UBE2E2: variants seen among roughly 807,000 people sequenced by gnomAD.
The protein encoded by UBE2E2 is ubiquitin conjugating enzyme E2 E2, also known as ubiquitin-conjugating enzyme E2 E2.
Under a neutral mutation model 24.7 loss-of-function variants are expected in UBE2E2, and 6 were observed. The ratio of observed to expected loss-of-function variants is 0.24; its 90% CI spans 0.13 to 0.48. The LOEUF (loss-of-function observed/expected upper bound fraction) is 0.48, where lower values mean the gene tolerates loss of function less well. Among genes scored for constraint, UBE2E2 ranks in the 20% least tolerant of loss-of-function variants. The pLI is 0.99. For synonymous variants in UBE2E2, 104 were observed against 83.6 expected (o/e 1.24, Z -1.33); for missense variants, 169 against 245.0 (o/e 0.69, Z 2.07).
rs541637780 is a variant in UBE2E2 at position 23,233,284 on chromosome 3, C to T, written c.227+15972C>T. Reference sequence around the variant, plus strand: ...TTTTTAGTTTAAGGTAAAATATTTGCATTCTTATCAAAGCTGTTGTACATC... The same window carrying T: ...TTTTTAGTTTAAGGTAAAATATTTGTATTCTTATCAAAGCTGTTGTACATC... On this transcript the variant is annotated intron_variant, in intron 3 of 5. Transcript: ENST00000396703. Among the ~76,000 whole-genome samples, 7 of 152,254 alleles carry T rather than the reference C, an allele frequency of 4.6e-5. No homozygotes were observed. In the South Asian group the frequency reaches 1.5e-3, roughly 32 times the overall value.
chr3:23,351,238 A>G (rs1260809096), intron 3 of UBE2E2, among the ~76,000 whole-genome samples: 3 of 152,210 alleles, frequency 2.0e-5, no homozygotes, highest in South Asian at 2.1e-4. Context: ...TGAAGGAAGC[A>G]CTAAACATGG....
intron 3 of UBE2E2, among the ~76,000 whole-genome samples, chr3:23,293,629 T>C (rs958807613): frequency 4.6e-5 from 7 of 152,234 alleles, no homozygotes; most frequent in African/African-American, 1.4e-4. Context: ...CTATGGCTTA[T>C]TAGAAAAAGA....
chr3:23,241,378 A>T (rs1358644588), intron 3 of UBE2E2, among the ~76,000 whole-genome samples: 1 of 152,222 alleles, frequency 6.6e-6, no homozygotes, highest in African/African-American at 2.4e-5. Context: ...GACAGCCAGA[A>T]TGATCTTTTA....
intron 3 of UBE2E2, among the ~76,000 whole-genome samples, chr3:23,457,852 G>A (rs949172649): frequency 3.9e-5 from 6 of 152,092 alleles, no homozygotes; most frequent in East Asian, 1.9e-4. Context: ...CTTAGCCTTC[G>A]CAGAATTGAA....
At chr3:23,411,917 A>G (rs927640788) in intron 3 of UBE2E2, among the ~76,000 whole-genome samples, 8 of 152,220 alleles carry the variant, frequency 5.3e-5, no homozygotes, top group African/African-American at 1.9e-4. Flanking sequence ...ATTAAAATTA[A>G]TAGTTCTAAT....
intron 3 of UBE2E2, among the ~76,000 whole-genome samples, chr3:23,245,235 GTA>G (rs1379516472): frequency 6.6e-6 from 1 of 152,032 alleles, no homozygotes; most frequent in Non-Finnish European, 1.5e-5. Flanking sequence ...ATAAAAGAGG[GTA>G]TATAATTGAT....
intron 3 of UBE2E2, among the ~76,000 whole-genome samples, chr3:23,457,337 G>A (rs1698701234): frequency 6.6e-6 from 1 of 152,156 alleles, no homozygotes; most frequent in Non-Finnish European, 1.5e-5. Flanking sequence ...AATAACAAAA[G>A]CTCAAGGTAT....
chr3:23,412,927 A>G (rs1273429919), intron 3 of UBE2E2, among the ~76,000 whole-genome samples: 1 of 151,824 alleles, frequency 6.6e-6, no homozygotes. Flanking sequence ...CCCTTACCCA[A>G]TTTAAGGCAA....
chr3:23,301,069 A>T (rs1699066353), intron 3 of UBE2E2, among the ~76,000 whole-genome samples: 1 of 152,034 alleles, frequency 6.6e-6, no homozygotes, highest in Non-Finnish European at 1.5e-5. Context: ...CTTCCAACTG[A>T]TCACATTGGC....
chr3:23,230,407 G>A (rs1419992172), intron 3 of UBE2E2, among the ~76,000 whole-genome samples: 1 of 152,124 alleles, frequency 6.6e-6, no homozygotes, highest in Non-Finnish European at 1.5e-5. Flanking sequence ...GATAGAATGT[G>A]GATGCATTTT....
intron 3 of UBE2E2, among the ~76,000 whole-genome samples, chr3:23,313,375 G>C (rs1694466207): frequency 7.3e-6 from 1 of 137,754 alleles, no homozygotes; most frequent in East Asian, 2.1e-4. Context: ...GTAGGCAATG[G>C]ATCATTGGGT....
At chr3:23,563,631 T>C (rs1470646517) in intron 5 of UBE2E2, among the ~76,000 whole-genome samples, 1 of 152,142 alleles carries the variant, frequency 6.6e-6, no homozygotes, top group Non-Finnish European at 1.5e-5. Flanking sequence ...GATGTATTTC[T>C]TCTTTGAAGC....
chr3:23,270,000 A>G lies in UBE2E2; in HGVS notation c.227+52688A>G, dbSNP rs76460996. On this transcript the variant is annotated intron_variant, in intron 3 of 5. Coordinates refer to ENST00000396703, the MANE Select transcript of UBE2E2 (RefSeq NM_152653.4). ...CTTGGTTTAGAGTCCCTTCTGTATA[A>G]CTGTGCTGACCCCAGAAATGCCTTG... Among the ~76,000 whole-genome samples, 6 of 152,126 alleles carry G rather than the reference A, an allele frequency of 3.9e-5. No individual in the cohort carries two copies. In the East Asian group the frequency reaches 1.2e-3, roughly 29 times the overall value.
chr3:23,500,022 T>C (rs974576931), intron 4 of UBE2E2, among the ~76,000 whole-genome samples: 1 of 152,104 alleles, frequency 6.6e-6, no homozygotes, highest in Non-Finnish European at 1.5e-5. Context: ...CCATGTTTTA[T>C]GGGTGAAAAT....
At chr3:23,580,347 C>T (rs192903284) in intron 5 of UBE2E2, among the ~76,000 whole-genome samples, 19 of 152,310 alleles carry the variant, frequency 1.2e-4, no homozygotes, top group Admixed American at 1.2e-3. Context: ...GCCACCCCAG[C>T]CTTCAGTAAC....
chr3:23,305,300 C>T (rs1699211299), intron 3 of UBE2E2, among the ~76,000 whole-genome samples: 1 of 152,318 alleles, frequency 6.6e-6, no homozygotes, highest in Non-Finnish European at 1.5e-5. Flanking sequence ...CAAATGCTTT[C>T]CTTCGAGACA....
chr3:23,249,775 C>G (rs372715795), intron 3 of UBE2E2, among the ~76,000 whole-genome samples: 3 of 152,072 alleles, frequency 2.0e-5, no homozygotes, highest in East Asian at 3.9e-4. Flanking sequence ...CCTGCCTCAG[C>G]CTCCCAAGTA....
At position 23,563,376 on chromosome 3, in the gene UBE2E2, G is replaced by A. The variant is rs1405837322; in HGVS notation, c.509-26358G>A. 4.6e-5 allele frequency among the ~76,000 whole-genome samples: 7 copies of A among 152,066 alleles called. No homozygotes were observed. The East Asian group carries it at 5.8e-4, about 13-fold the overall frequency. The stretch of plus-strand genomic sequence containing the variant: ...TTGTTCAGTTTCCATGTAGTTGATC[G>A]GTTTTGAGTGAGTTTCTTAGTCCTG... On this transcript the variant is annotated intron_variant, in intron 5 of 5. Coordinates refer to ENST00000396703, the MANE Select transcript of UBE2E2 (RefSeq NM_152653.4).
intron 5 of UBE2E2, among the ~76,000 whole-genome samples, chr3:23,554,176 C>T (rs1695718982): frequency 6.6e-6 from 1 of 152,136 alleles, no homozygotes; most frequent in African/African-American, 2.4e-5. Flanking sequence ...GTAATCAAAA[C>T]AGTGCAGTAC....
Sources: allele counts gnomAD v4.1 joint callset (sites outside exome capture counted in the v4.1 genomes callset), GRCh38; gene constraint gnomAD v4.1.1; transcripts MANE v1.5; gene names NCBI Gene and HGNC (gene_info 2026-07-23, HGNC 2026-07-21).